Variants in RABGAP1L observed in about 807,000 individuals in gnomAD.
RABGAP1L encodes rab GTPase-activating protein 1-like.
RABGAP1L carries 63 observed loss-of-function variants against 137.7 expected under a neutral mutation model. That is an observed-to-expected ratio of 0.46 (90% CI 0.37 to 0.56). RABGAP1L has a LOEUF of 0.56. Ranked by LOEUF, RABGAP1L falls within the 20% of genes least tolerant of loss-of-function variation. RABGAP1L has a pLI of 0.00. For missense variants in RABGAP1L, 1,095 were observed against 1,244.0 expected (o/e 0.88, Z 1.80); for synonymous variants, 431 against 433.7 (o/e 0.99, Z 0.08).
At chr1:174,902,373 A>G (rs1658291849) in intron 19 of RABGAP1L, among the ~76,000 whole-genome samples, 1 of 152,158 alleles carries the variant, frequency 6.6e-6, no homozygotes, top group Admixed American at 6.5e-5. Context: ...ATCCACTGCC[A>G]TTGGCTGGCT....
chr1:174,623,015 C>A (rs946950686), intron 13 of RABGAP1L, among the ~76,000 whole-genome samples: 17 of 152,246 alleles, frequency 1.1e-4, no homozygotes, highest in Admixed American at 7.2e-4. Context: ...CAACTTTTCA[C>A]TTAATATTCT....
intron 13 of RABGAP1L, among the ~76,000 whole-genome samples, chr1:174,529,236 A>G (rs1328163891): frequency 6.6e-6 from 1 of 151,992 alleles, no homozygotes; most frequent in East Asian, 1.9e-4. Context: ...TTACATTAAT[A>G]TCTATACATC....
At chr1:174,487,586 T>C (rs1350838088) in intron 13 of RABGAP1L, among the ~76,000 whole-genome samples, 1 of 152,170 alleles carries the variant, frequency 6.6e-6, no homozygotes, top group Non-Finnish European at 1.5e-5. Flanking sequence ...TCAGCCACTT[T>C]GTGTCTTTTT....
In RABGAP1L at chr1:174,546,890, C is replaced by T. The variant is rs373790207; in HGVS notation, c.1711-90485C>T. 4.0e-5 allele frequency among the ~76,000 whole-genome samples: 6 copies of T among 151,282 alleles called. No individual in the cohort carries two copies. In the East Asian group the frequency reaches 7.8e-4, roughly 20 times the overall value. On this transcript the variant is annotated intron_variant, in intron 13 of 25. Transcript: ENST00000681986. Reference sequence around the variant, plus strand: ...CTGAAAATACAAAAAATTAGCCGGGCGTGGTGGCGGGCACCTGTAATCCCA... The same window carrying T: ...CTGAAAATACAAAAAATTAGCCGGGTGTGGTGGCGGGCACCTGTAATCCCA...
intron 13 of RABGAP1L, chr1:174,548,476 A>G: frequency 1.1e-6 from 1 of 940,168 alleles, no homozygotes; most frequent in African/African-American, 1.8e-5. Context: ...GATTGGAGAT[A>G]AATTTTATAA....
At chr1:174,738,891 C>G (rs1249388990) in intron 17 of RABGAP1L, among the ~76,000 whole-genome samples, 1 of 152,206 alleles carries the variant, frequency 6.6e-6, no homozygotes, top group Non-Finnish European at 1.5e-5. Flanking sequence ...ATTACTGTTG[C>G]TACAATTTTC....
chr1:174,953,861 C>T (rs1668103446), intron 19 of RABGAP1L, among the ~76,000 whole-genome samples: 1 of 152,164 alleles, frequency 6.6e-6, no homozygotes, highest in Non-Finnish European at 1.5e-5. Flanking sequence ...TAGCTGAAGG[C>T]AGCTGTTCTG....
intron 13 of RABGAP1L, among the ~76,000 whole-genome samples, chr1:174,615,285 C>T (rs1345564541): frequency 2.6e-5 from 4 of 152,110 alleles, no homozygotes; most frequent in Non-Finnish European, 4.4e-5. Flanking sequence ...GTTAGTTTTC[C>T]TTCTAACAGA....
In RABGAP1L at chr1:174,851,661, C is replaced by T. The variant is rs117419623; in HGVS notation, c.2340+39701C>T. Among the ~76,000 whole-genome samples the T allele has an allele frequency of 9.7e-4, 148 of 151,810 alleles. 2 individuals are homozygous for T. The East Asian group carries it at 0.024, about 24-fold the overall frequency. ...CCTGAGTAGCTTGGCTACAGACACG[C>T]ACCACCATGCACAGCTTTTTTTTTT... On this transcript the variant is annotated intron_variant, in intron 19 of 25. Coordinates refer to ENST00000681986, the MANE Select transcript of RABGAP1L (RefSeq NM_001366446.1).
intron 1 of RABGAP1L, among the ~76,000 whole-genome samples, chr1:174,199,562 G>A (rs1165634573): frequency 6.6e-6 from 1 of 152,134 alleles, no homozygotes; most frequent in Non-Finnish European, 1.5e-5. Flanking sequence ...AAAGTGCTGG[G>A]ATTACAGATG....
At chr1:174,503,959 G>C (rs1303737078) in intron 13 of RABGAP1L, among the ~76,000 whole-genome samples, 1 of 129,838 alleles carries the variant, frequency 7.7e-6, no homozygotes, top group Non-Finnish European at 1.6e-5. Flanking sequence ...AGATTCAATA[G>C]ACTCTTTTTT....
intron 13 of RABGAP1L, among the ~76,000 whole-genome samples, chr1:174,561,791 T>A (rs1261609972): frequency 6.6e-6 from 1 of 152,222 alleles, no homozygotes; most frequent in African/African-American, 2.4e-5. Context: ...TTGGGAAAAC[T>A]GGCTAGCCAT....
At chr1:174,703,922 A>G (rs1679860069) in intron 17 of RABGAP1L, among the ~76,000 whole-genome samples, 1 of 151,950 alleles carries the variant, frequency 6.6e-6, no homozygotes, top group African/African-American at 2.4e-5. Flanking sequence ...CCCGCTTTTT[A>G]ATGGGGCTAG....
rs1669738799 is a variant in RABGAP1L at position 174,221,314 on chromosome 1, A to G, written c.331+150A>G. The G allele has an allele frequency of 1.3e-5, 8 of 621,446 alleles. 1 individual carries two copies. In the South Asian group the frequency reaches 2.0e-4, roughly 15 times the overall value. 38.5% of individuals were successfully genotyped at this position (621,446 alleles called of 1,614,324 possible). On this transcript the variant is annotated intron_variant, in intron 3 of 25. Transcript: ENST00000681986. ...ACTTCGGTGTTATGTTTCTGCCTAT[A>G]TCTCTGCCTATAAAAATCAGGTCTT...
intron 19 of RABGAP1L, among the ~76,000 whole-genome samples, chr1:174,859,667 C>A (rs1173372512): frequency 6.6e-6 from 1 of 151,852 alleles, no homozygotes; most frequent in Non-Finnish European, 1.5e-5. Flanking sequence ...CAGAGGGGAG[C>A]AACACACACC....
intron 13 of RABGAP1L, among the ~76,000 whole-genome samples, chr1:174,416,775 A>G (rs558723709): frequency 6.6e-6 from 1 of 152,262 alleles, no homozygotes; most frequent in African/African-American, 2.4e-5. Context: ...GAATTACTAT[A>G]TAAGAGAGTA....
chr1:174,372,164 CATAAA>C (rs1685162096), intron 12 of RABGAP1L, among the ~76,000 whole-genome samples: 1 of 151,956 alleles, frequency 6.6e-6, no homozygotes, highest in East Asian at 1.9e-4. Flanking sequence ...TGAATGTCAA[CATAAA>C]ATAATCAAAA....
At chr1:174,287,843 G>T (rs747362671) in intron 10 of RABGAP1L, among the ~76,000 whole-genome samples, 14 of 152,202 alleles carry the variant, frequency 9.2e-5, no homozygotes, top group Admixed American at 2.0e-4. Flanking sequence ...TTATTGGTAG[G>T]TAAGGACTTA....
intron 12 of RABGAP1L, among the ~76,000 whole-genome samples, chr1:174,374,637 G>A (rs1168192049): frequency 6.6e-6 from 1 of 152,152 alleles, no homozygotes; most frequent in East Asian, 1.9e-4. Context: ...TATCGGAGGG[G>A]AATATAATTT....
Sources: gnomAD v4.1 joint callset for allele counts (sites outside exome capture counted in the v4.1 genomes callset) on GRCh38, gnomAD v4.1.1 for gene constraint, MANE v1.5 for transcripts, NCBI Gene and HGNC (gene_info 2026-07-23, HGNC 2026-07-21) for gene names.